SLC6A17: variants seen among roughly 807,000 people sequenced by gnomAD.
SLC6A17 encodes sodium-dependent neutral amino acid transporter SLC6A17.
SLC6A17 carries 21 observed loss-of-function variants against 64.5 expected under a neutral mutation model. The observed-to-expected ratio is 0.33, with a 90% CI of 0.23 to 0.47. The LOEUF (loss-of-function observed/expected upper bound fraction) is 0.47. SLC6A17 is among the 20% of genes least tolerant of loss of function. The probability of loss-of-function intolerance (pLI) is 1.00; values close to 1 mark genes in which losing one functional copy is unlikely to be tolerated. For synonymous variants in SLC6A17, 372 were observed against 399.5 expected (o/e 0.93, Z 0.82); for missense variants, 682 against 963.2 (o/e 0.71, Z 3.86).
At chr1:110,176,781 G>A (rs748693853) in intron 6 of SLC6A17, 42 bp downstream of exon 6, 6 of 1,549,686 alleles carry the variant, frequency 3.9e-6, no homozygotes, top group Non-Finnish European at 4.4e-6. Flanking sequence ...ACAGCAACAG[G>A]TCTACTGGGC....
At chr1:110,189,601 G>A (rs984652517) in intron 6 of SLC6A17, among the ~76,000 whole-genome samples, 1 of 152,078 alleles carries the variant, frequency 6.6e-6, no homozygotes, top group East Asian at 1.9e-4. Context: ...CTTGGGTTAG[G>A]TGCTTTCTTA....
rs2100948737 is a variant in SLC6A17 at position 110,192,994 on chromosome 1, G to C, written c.1299+296G>C. Reference sequence around the variant, plus strand: ...TACTGAGTGGGCTTCTCGTGCATCAGTCACTGCCACAGGTAATATACTCAG... The same window carrying C: ...TACTGAGTGGGCTTCTCGTGCATCACTCACTGCCACAGGTAATATACTCAG... On this transcript the variant is annotated intron_variant, in intron 8 of 11. Transcript: ENST00000331565. The surrounding 1 kb of genome is among the most constrained non-coding windows in gnomAD (Gnocchi z 4.3). 6.6e-6 allele frequency among the ~76,000 whole-genome samples: 1 copy of C among 152,338 alleles called. No individual in the cohort carries two copies. Among genetic ancestry groups the C allele is most frequent in the South Asian group, 2.1e-4 (1 of 4,828 alleles).
At chr1:110,196,477 G>A (rs761759595) in intron 10 of SLC6A17, among the ~76,000 whole-genome samples, 10 of 152,214 alleles carry the variant, frequency 6.6e-5, no homozygotes, top group Non-Finnish European at 1.5e-4. Context: ...GGAGGGGACA[G>A]GGAGTGGGGG....
chr1:110,168,871 G>A (rs1442504337), intron 2 of SLC6A17, among the ~76,000 whole-genome samples: 1 of 152,166 alleles, frequency 6.6e-6, no homozygotes. Flanking sequence ...AATCACCATG[G>A]CACCAGACAT....
chr1:110,188,367 C>G (rs1656741084), intron 6 of SLC6A17, among the ~76,000 whole-genome samples: 2 of 152,264 alleles, frequency 1.3e-5, no homozygotes, highest in Non-Finnish European at 2.9e-5. Flanking sequence ...CAGGACAGCC[C>G]TGCCCTGTTT....
chr1:110,182,035 G>C (rs779666867), intron 6 of SLC6A17, among the ~76,000 whole-genome samples: 3 of 152,154 alleles, frequency 2.0e-5, no homozygotes, highest in Non-Finnish European at 2.9e-5. Flanking sequence ...CTCTTAAGTG[G>C]CTTCTGTAGA....
rs978478613 is a variant in SLC6A17, at chr1:110,200,097, G to A, written c.*1653G>A. 5 of 398,328 alleles carry A rather than the reference G, an allele frequency of 1.3e-5. No homozygotes were observed. The highest frequency in any genetic ancestry group is 2.2e-5 in the Non-Finnish European group (5 of 226,034). The allele number at this position is 398,328 out of a possible 1,614,324, so 24.7% of individuals were successfully genotyped here. A position where few individuals can be genotyped will look rare whatever the true frequency, so the allele number is the denominator to read the frequency against. On this transcript the variant is annotated 3_prime_UTR_variant, in exon 12 of 12. Transcript: ENST00000331565. ...AACCCGGACACCCTCACGAAGGGTC[G>A]CAAGTCACTCTTGTGGCTCAGATTG... is the stretch of plus-strand genomic sequence containing the variant.
chr1:110,190,374 G>A (rs1351145109), intron 6 of SLC6A17, among the ~76,000 whole-genome samples: 2 of 152,100 alleles, frequency 1.3e-5, no homozygotes, highest in Non-Finnish European at 1.5e-5. Flanking sequence ...TCAAAGGCTC[G>A]ACTACCATCC....
At chr1:110,184,385 G>A (rs1048995719) in intron 6 of SLC6A17, among the ~76,000 whole-genome samples, 1 of 152,198 alleles carries the variant, frequency 6.6e-6, no homozygotes, top group African/African-American at 2.4e-5. Context: ...GATTATAGAT[G>A]TGAGCCACTG....
intron 6 of SLC6A17, among the ~76,000 whole-genome samples, chr1:110,188,029 G>T (rs1656730324): frequency 6.6e-6 from 1 of 152,210 alleles, no homozygotes. Context: ...GAAGCAAAAT[G>T]ACCTGCACAG....
intron 1 of SLC6A17, chr1:110,166,288 T>G (rs1656053355): frequency 6.6e-6 from 1 of 151,968 alleles, no homozygotes; most frequent in South Asian, 2.1e-4. Flanking sequence ...AAGAGCCTTT[T>G]TTTTTTTTTT....
Position 110,167,001 on chromosome 1 carries a change from G to C in SLC6A17, c.72G>C (p.Leu24=). 2.4e-5 allele frequency: 39 copies of C among 1,613,554 alleles called. No individual in the cohort carries two copies. The highest frequency in any genetic ancestry group is 3.3e-5 in the Non-Finnish European group (39 of 1,179,802). ...ATGTCACTGAGTCCGTGGCCGACCTGCTGGCCCTCGAGGAGCCTGTGGACT... is the reference window on the plus strand; with the variant it reads ...ATGTCACTGAGTCCGTGGCCGACCTCCTGGCCCTCGAGGAGCCTGTGGACT... The part of the protein sequence containing the change: ...SEHVTESVAD[L]LALEEPVDYK... Residue 24 remains leucine (L), a synonymous_variant, in exon 2 of 12, where the codon CTG becomes CTC. Transcript: ENST00000331565.
In SLC6A17 at chr1:110,199,881, G is replaced by T. The variant is rs1185271354; in HGVS notation, c.*1437G>T. ...GATAGATGGATGGATGGGTTGGGGA[G>T]TGGGGGTGGATGGATGGATAGATGG... On this transcript the variant is annotated 3_prime_UTR_variant, in exon 12 of 12. Coordinates refer to ENST00000331565, the MANE Select transcript of SLC6A17 (RefSeq NM_001010898.4). 5.1e-6 allele frequency: 2 copies of T among 390,030 alleles called. No homozygotes were observed. Among genetic ancestry groups the T allele is most frequent in the Non-Finnish European group, 9.0e-6 (2 of 221,584 alleles). 24.2% of individuals were successfully genotyped at this position (390,030 alleles called of 1,614,324 possible).
At chr1:110,151,499 G>A (rs897198240) in intron 1 of SLC6A17, among the ~76,000 whole-genome samples, 1 of 152,260 alleles carries the variant, frequency 6.6e-6, no homozygotes, top group African/African-American at 2.4e-5. Context: ...CTGAGACAGG[G>A]GACGTGCGTG....
intron 1 of SLC6A17, among the ~76,000 whole-genome samples, chr1:110,152,747 G>A (rs1326221176): frequency 6.6e-6 from 1 of 152,204 alleles, no homozygotes; most frequent in Non-Finnish European, 1.5e-5. Context: ...AGTTTCCTCA[G>A]TTGTAAAACA....
Position 110,166,719 on chromosome 1 carries a change from C to A in SLC6A17, c.-87-124C>A, listed in dbSNP as rs138871648. The A allele has an allele frequency of 3.5e-3, 1,875 of 532,240 alleles. 31 individuals carry two copies. The highest frequency in any genetic ancestry group is 0.031 in the African/African-American group (1,622 of 53,088). 33.0% of individuals were successfully genotyped at this position (532,240 alleles called of 1,614,324 possible). ...CCTGATGGGGAGCTAGGGCAAGCTG[C>A]ATATATGAGGCCCTTGACCTGCCTC... On this transcript the variant is annotated intron_variant, in intron 1 of 11. Coordinates refer to ENST00000331565, the MANE Select transcript of SLC6A17 (RefSeq NM_001010898.4).
chr1:110,160,417 G>A (rs549332008), intron 1 of SLC6A17, among the ~76,000 whole-genome samples: 1 of 152,372 alleles, frequency 6.6e-6, no homozygotes, highest in South Asian at 2.1e-4. Context: ...TAAATACCAT[G>A]TTCTGCCCAC....
intron 1 of SLC6A17, among the ~76,000 whole-genome samples, chr1:110,154,804 A>C (rs184571844): frequency 6.6e-6 from 1 of 152,300 alleles, no homozygotes; most frequent in East Asian, 1.9e-4. Context: ...TGAAGAGTGT[A>C]TGCCAGGGAT....
At chr1:110,165,224 C>T (rs995201984) in intron 1 of SLC6A17, among the ~76,000 whole-genome samples, 1 of 152,152 alleles carries the variant, frequency 6.6e-6, no homozygotes, top group African/African-American at 2.4e-5. Context: ...CTCCTAGGGC[C>T]GTACTTCACT....
Sources: allele counts gnomAD v4.1 joint callset (sites outside exome capture counted in the v4.1 genomes callset), GRCh38; gene constraint gnomAD v4.1.1; non-coding constraint Gnocchi (gnomAD v3.1); transcripts MANE v1.5; gene names NCBI Gene and HGNC (gene_info 2026-07-23, HGNC 2026-07-21).